Variants in SLC22A15 observed in about 807,000 individuals in gnomAD.
SLC22A15 encodes solute carrier family 22 member 15.
Under a neutral mutation model 62.7 loss-of-function variants are expected in SLC22A15, and 45 were observed. The ratio of observed to expected loss-of-function variants is 0.72; its 90% CI spans 0.56 to 0.92. The LOEUF (loss-of-function observed/expected upper bound fraction) is 0.92. SLC22A15 is among the 40% of genes least tolerant of loss of function. The pLI is 0.00. For synonymous variants in SLC22A15, 264 were observed against 267.0 expected, an observed-to-expected ratio of 0.99 and a Z score of 0.11; for missense variants, 622 against 665.6, an observed-to-expected ratio of 0.93 and a Z score of 0.72.
At chr1:115,986,869 T>C (rs1271378649) in intron 1 of SLC22A15, among the ~76,000 whole-genome samples, 1 of 152,236 alleles carries the variant, frequency 6.6e-6, no homozygotes, top group Non-Finnish European at 1.5e-5. Context: ...CGTCTGGTCT[T>C]AACTGGAAGA....
chr1:116,018,220 A>G (rs774486475), intron 2 of SLC22A15, among the ~76,000 whole-genome samples: 4 of 152,086 alleles, frequency 2.6e-5, no homozygotes, highest in Non-Finnish European at 4.4e-5. Flanking sequence ...TTCTGCCTCT[A>G]TGAAGTTGAC....
chr1:115,989,062 C>G (rs60392902), intron 1 of SLC22A15, among the ~76,000 whole-genome samples: 3,935 of 152,046 alleles, frequency 0.026, 180 homozygotes, highest in African/African-American at 0.088. Context: ...GTTTCTGACT[C>G]TTCTGGTGGC....
intron 7 of SLC22A15, 92 bp from the exon 8 acceptor site, chr1:116,037,210 GA>G: frequency 9.0e-7 from 1 of 1,110,814 alleles, no homozygotes; most frequent in Non-Finnish European, 1.4e-6. Context: ...CATATATAAT[GA>G]AACTGAAGAT....
At chr1:116,033,799 T>C (rs1292192604) in intron 6 of SLC22A15, among the ~76,000 whole-genome samples, 1 of 152,182 alleles carries the variant, frequency 6.6e-6, no homozygotes, top group Non-Finnish European at 1.5e-5. Flanking sequence ...AGTGTCACCT[T>C]GCATCCTTAC....
chr1:116,054,016 C>G (rs1487883979), intron 8 of SLC22A15, among the ~76,000 whole-genome samples: 1 of 151,508 alleles, frequency 6.6e-6, no homozygotes, highest in Non-Finnish European at 1.5e-5. Context: ...AAATAACCAG[C>G]TAACATCATA....
intron 4 of SLC22A15, among the ~76,000 whole-genome samples, chr1:116,022,421 T>C (rs1386702877): frequency 6.6e-6 from 1 of 152,192 alleles, no homozygotes; most frequent in Non-Finnish European, 1.5e-5. Context: ...GATTTCAGTT[T>C]TCCTGAGGTC....
intron 1 of SLC22A15, among the ~76,000 whole-genome samples, chr1:115,988,194 A>T (rs1296611237): frequency 6.6e-6 from 1 of 152,086 alleles, no homozygotes; most frequent in Non-Finnish European, 1.5e-5. Context: ...TGTTATTCCC[A>T]CTCTGGTAGA....
In SLC22A15 at chr1:116,054,963, A is replaced by G. The variant is rs1007085541; in HGVS notation, c.1172-7799A>G. 9.2e-5 allele frequency among the ~76,000 whole-genome samples: 14 copies of G among 152,196 alleles called. 1 individual carries two copies. Among genetic ancestry groups the G allele is most frequent in the Non-Finnish European group, 1.8e-4 (12 of 68,014 alleles). ...CACGAGAGAAAGCAGGAAAGATCCA[A>G]AATTGACACCCTAACATCACAATTA... On this transcript the variant is annotated intron_variant, in intron 8 of 11. Coordinates refer to ENST00000369503, the MANE Select transcript of SLC22A15 (RefSeq NM_018420.3).
chr1:116,056,264 A>G (rs1658205036), intron 8 of SLC22A15, among the ~76,000 whole-genome samples: 1 of 151,442 alleles, frequency 6.6e-6, no homozygotes, highest in Non-Finnish European at 1.5e-5. Context: ...CACCAATAAC[A>G]GACAATCAGA....
chr1:116,038,371 C>T (rs773161569), intron 8 of SLC22A15, among the ~76,000 whole-genome samples: 1 of 152,134 alleles, frequency 6.6e-6, no homozygotes, highest in Non-Finnish European at 1.5e-5. Context: ...TTCATTTCTG[C>T]GTGTCTCATT....
chr1:116,031,512 C>T lies in SLC22A15; in HGVS notation c.875C>T (p.Thr292Ile). ...CCAGCCAACAGGAGCTGCAGGGAGACTGGAAGTTTCCTGGATCTCTTTCGT... is the reference window on the plus strand; with the variant it reads ...CCAGCCAACAGGAGCTGCAGGGAGATTGGAAGTTTCCTGGATCTCTTTCGT... ...THPANRSCRE[T>I]GSFLDLFRYR... is the part of the protein sequence containing the mutation. Residue 292 changes from threonine to isoleucine, a missense_variant, in exon 6 of 12, where the codon ACT becomes ATT. Thr to Ile is a moderately conservative substitution (Grantham distance 89, BLOSUM62 -1). Transcript: ENST00000369503. The T allele has an allele frequency of 6.2e-7, 1 of 1,613,982 alleles. No homozygotes were observed. The highest frequency in any genetic ancestry group is 8.5e-7 in the Non-Finnish European group (1 of 1,179,868).
chr1:116,064,436 G>A lies in SLC22A15; in HGVS notation c.1293G>A (p.Arg431=). 2 of 1,611,904 alleles carry A rather than the reference G, an allele frequency of 1.2e-6. No homozygotes were observed. The highest frequency in any genetic ancestry group is 1.7e-6 in the Non-Finnish European group (2 of 1,178,206). ...ATGTATTTTTACTTATGCTTTTCAG[G>A]AATGTTGGGCTTGGAACTTGTTCCA... The part of the protein sequence containing the change: ...YTSELYPTVI[R]NVGLGTCSMF... Residue 431 remains arginine (R), a splice_region_variant and synonymous_variant, in exon 10 of 12, where the codon AGG becomes AGA. Coordinates refer to ENST00000369503, the MANE Select transcript of SLC22A15 (RefSeq NM_018420.3).
intron 4 of SLC22A15, among the ~76,000 whole-genome samples, chr1:116,022,600 A>G (rs563259560): frequency 4.6e-5 from 7 of 152,300 alleles, no homozygotes; most frequent in South Asian, 2.1e-4. Flanking sequence ...TTTTCCTGTC[A>G]TATTGCATGT....
At chr1:116,046,080 A>G (rs1465681423) in intron 8 of SLC22A15, among the ~76,000 whole-genome samples, 1 of 152,222 alleles carries the variant, frequency 6.6e-6, no homozygotes, top group Non-Finnish European at 1.5e-5. Context: ...TGTAAATCAC[A>G]TTATATGCAG....
rs768447583 is a variant in SLC22A15 at position 116,066,508 on chromosome 1, C to A, written c.1366-12C>A. 6.3e-6 allele frequency: 10 copies of A among 1,578,698 alleles called. No individual in the cohort carries two copies. The highest frequency in any genetic ancestry group is 7.8e-6 in the Non-Finnish European group (9 of 1,159,950). ...CTCTGGTTTATTTTCATTCCACTCC[C>A]CGCCTCTGCAGAAATATGTGCAATG... On this transcript the variant is annotated splice_polypyrimidine_tract_variant and intron_variant, in intron 10 of 11. Transcript: ENST00000369503.
chr1:116,017,425 A>T (rs1429205081), intron 2 of SLC22A15: 1 of 152,118 alleles, frequency 6.6e-6, no homozygotes, highest in Non-Finnish European at 1.5e-5. Context: ...TAAATCCAAG[A>T]ATGGCTAGGA....
chr1:116,034,253 T>C (rs1377529563), intron 6 of SLC22A15, among the ~76,000 whole-genome samples: 1 of 152,190 alleles, frequency 6.6e-6, no homozygotes, highest in African/African-American at 2.4e-5. Flanking sequence ...TAAAGCCCAG[T>C]TTCAGGGTTT....
At position 116,068,354 on chromosome 1, in the gene SLC22A15, T is replaced by C. The variant is rs1175510980; in HGVS notation, c.*1246T>C. The C allele has an allele frequency of 1.3e-5, 2 of 152,638 alleles. No homozygotes were observed. The highest frequency in any genetic ancestry group is 1.3e-4 in the Admixed American group (2 of 15,276). The allele number at this position is 152,638 out of a possible 1,614,324, so 9.5% of individuals were successfully genotyped here. On this transcript the variant is annotated 3_prime_UTR_variant, in exon 12 of 12. Transcript: ENST00000369503. The stretch of plus-strand genomic sequence containing the variant: ...GGAAAATTTCTGTGTTTTCAGAATT[T>C]CCATTTCTACTAACCTCTTGGAGAA...
At chr1:116,066,925 A>G in intron 11 of SLC22A15, 94 bp from the exon 12 acceptor site, 1 of 1,061,076 alleles carries the variant, frequency 9.4e-7, no homozygotes, top group Non-Finnish European at 1.4e-6. Context: ...AATGTCATAT[A>G]AATACATTTG....
Sources: gnomAD v4.1 joint callset for allele counts (sites outside exome capture counted in the v4.1 genomes callset) on GRCh38, gnomAD v4.1.1 for gene constraint, MANE v1.5 for transcripts, NCBI Gene and HGNC (gene_info 2026-07-23, HGNC 2026-07-21) for gene names.